The following NRXN1 variants were observed in gnomAD, a reference collection of about 807,000 sequenced individuals.
NRXN1 encodes the protein neurexin 1.
In NRXN1, 39 loss-of-function variants were observed where a neutral mutation model predicts 150.9. The ratio of observed to expected loss-of-function variants is 0.26; its 90% CI spans 0.20 to 0.34. The LOEUF is 0.34. Among genes scored for constraint, NRXN1 ranks in the 10% least tolerant of loss-of-function variants. The pLI is 1.00. For missense variants in NRXN1, 1,815 were observed against 1,949.9 expected (o/e 0.93, Z 1.30); for synonymous variants, 924 against 757.0 (o/e 1.22, Z -3.62).
chr2:49,937,626 G>A (rs1461244439), intron 22 of NRXN1, among the ~76,000 whole-genome samples: 1 of 152,118 alleles, frequency 6.6e-6, no homozygotes, highest in Non-Finnish European at 1.5e-5. Flanking sequence ...TCCCGCACCT[G>A]AATGATGAGC....
intron 5 of NRXN1, among the ~76,000 whole-genome samples, chr2:50,724,946 T>C (rs858943): frequency 0.63 from 95,123 of 151,444 alleles, 29,981 homozygotes; most frequent in African/African-American, 0.67. Flanking sequence ...GAACACCTGA[T>C]ACAGGGTAGG....
chr2:50,959,287 T>C (rs912318745), intron 2 of NRXN1, among the ~76,000 whole-genome samples: 3 of 152,026 alleles, frequency 2.0e-5, no homozygotes, highest in Non-Finnish European at 2.9e-5. Context: ...AAAATATATG[T>C]TCACATAAAA....
At chr2:50,373,650 GAA>G (rs1472076620) in intron 17 of NRXN1, among the ~76,000 whole-genome samples, 2 of 95,760 alleles carry the variant, frequency 2.1e-5, no homozygotes, top group Non-Finnish European at 4.3e-5. Context: ...AAGAAAGAAA[GAA>G]AGAAAGAAAG....
intron 5 of NRXN1, among the ~76,000 whole-genome samples, chr2:50,668,674 C>A (rs374615838): frequency 7.9e-5 from 12 of 151,948 alleles, no homozygotes; most frequent in East Asian, 7.8e-4. Flanking sequence ...CAAATATCAT[C>A]ATTTTGGCGG....
chr2:50,729,546 C>T (rs1420885452), intron 5 of NRXN1, among the ~76,000 whole-genome samples: 1 of 152,164 alleles, frequency 6.6e-6, no homozygotes, highest in Non-Finnish European at 1.5e-5. Context: ...AGCTTTTACG[C>T]ATGGTCTTCT....
At chr2:50,825,501 A>G (rs1031556506) in intron 5 of NRXN1, among the ~76,000 whole-genome samples, 3 of 152,206 alleles carry the variant, frequency 2.0e-5, no homozygotes, top group African/African-American at 4.8e-5. Flanking sequence ...TGAAGCTTCC[A>G]TAATAACTCA....
intron 18 of NRXN1, among the ~76,000 whole-genome samples, chr2:50,103,547 T>A (rs1161838726): frequency 1.3e-5 from 2 of 151,998 alleles, no homozygotes; most frequent in African/African-American, 4.8e-5. Context: ...GGATTCTCTA[T>A]CCAATTCTAC....
chr2:50,255,969 G>A (rs931080971), intron 17 of NRXN1, among the ~76,000 whole-genome samples: 4 of 152,122 alleles, frequency 2.6e-5, no homozygotes, highest in African/African-American at 9.7e-5. Flanking sequence ...ACAGTCATAT[G>A]ACTTTTGGGT....
intron 2 of NRXN1, among the ~76,000 whole-genome samples, chr2:51,008,250 A>G (rs1667330031): frequency 1.3e-5 from 2 of 151,938 alleles, no homozygotes; most frequent in South Asian, 4.1e-4. Context: ...GAGTAGCTCA[A>G]ATGCTATTAT....
intron 5 of NRXN1, among the ~76,000 whole-genome samples, chr2:50,914,949 G>T (rs1558412390): frequency 6.6e-6 from 1 of 151,472 alleles, no homozygotes; most frequent in Non-Finnish European, 1.5e-5. Flanking sequence ...GCCTTCACCA[G>T]ATTCCTTCCT....
intron 17 of NRXN1, among the ~76,000 whole-genome samples, chr2:50,449,443 T>A (rs1460574381): frequency 6.6e-6 from 1 of 152,206 alleles, no homozygotes; most frequent in Non-Finnish European, 1.5e-5. Flanking sequence ...CTGCCCTTTT[T>A]ACATGCTTCT....
intron 13 of NRXN1, among the ~76,000 whole-genome samples, chr2:50,503,813 GAAAGGGAGAAAACGTAGT>G (rs1203390139): frequency 6.6e-6 from 1 of 152,082 alleles, no homozygotes; most frequent in Non-Finnish European, 1.5e-5. Context: ...TTTATTAGTT[GAAAGGGAGAAAACGTAGT>G]AATTATACAA....
At chr2:50,572,299 A>G (rs1670781365) in intron 8 of NRXN1, among the ~76,000 whole-genome samples, 3 of 152,216 alleles carry the variant, frequency 2.0e-5, no homozygotes, top group Admixed American at 6.5e-5. Context: ...ATATGATGCT[A>G]TACCAAATTC....
chr2:49,933,666 G>A (rs1478304881), intron 22 of NRXN1, among the ~76,000 whole-genome samples: 1 of 152,022 alleles, frequency 6.6e-6, no homozygotes, highest in Admixed American at 6.5e-5. Context: ...ATATCCCAGG[G>A]GTTACTGTGG....
In NRXN1 at chr2:50,055,051, A is replaced by C; in HGVS notation, c.3719-7T>G. The C allele has an allele frequency of 6.4e-7, 1 of 1,573,014 alleles. No homozygotes were observed. Among genetic ancestry groups the C allele is most frequent in the African/African-American group, 1.4e-5 (1 of 73,578 alleles). On this transcript the variant is annotated splice_region_variant and splice_polypyrimidine_tract_variant and intron_variant, in intron 19 of 22. Transcript: ENST00000401669. ...CGCTCGTTATCATTGTTTCCTTTAA[A>C]GTTTAAAGAGACATTTCATTGGTTA...
intron 21 of NRXN1, among the ~76,000 whole-genome samples, chr2:50,029,124 G>A (rs1386724064): frequency 1.3e-5 from 2 of 152,174 alleles, no homozygotes; most frequent in Non-Finnish European, 2.9e-5. Flanking sequence ...GCCTTTATAA[G>A]AGGCTGAACA....
intron 6 of NRXN1, 28 bp downstream of exon 6, chr2:50,623,286 G>A (rs1680376477): frequency 1.3e-6 from 2 of 1,588,650 alleles, no homozygotes; most frequent in Non-Finnish European, 1.7e-6. Flanking sequence ...AACAAAGCCA[G>A]TTACTCTCTT....
intron 2 of NRXN1, among the ~76,000 whole-genome samples, chr2:50,970,815 T>C (rs1694879802): frequency 6.6e-6 from 1 of 152,106 alleles, no homozygotes; most frequent in African/African-American, 2.4e-5. Context: ...AACAGTGCTC[T>C]TTTAATGATC....
chr2:50,444,491 C>A (rs1226707358), intron 17 of NRXN1, among the ~76,000 whole-genome samples: 1 of 152,052 alleles, frequency 6.6e-6, no homozygotes, highest in Non-Finnish European at 1.5e-5. Flanking sequence ...AGGATTTATG[C>A]ATTAATAATG....
Sources: gnomAD v4.1 joint callset for allele counts (sites outside exome capture counted in the v4.1 genomes callset) on GRCh38, gnomAD v4.1.1 for gene constraint, MANE v1.5 for transcripts, NCBI Gene and HGNC (gene_info 2026-07-23, HGNC 2026-07-21) for gene names.